Variants in GALNT10 observed in about 807,000 individuals in gnomAD.
GALNT10 encodes polypeptide N-acetylgalactosaminyltransferase 10.
GALNT10 carries 41 observed loss-of-function variants against 75.0 expected under a neutral mutation model. That is an observed-to-expected ratio of 0.55 (90% CI 0.43 to 0.71). GALNT10 has a LOEUF of 0.71. Ranked by LOEUF, GALNT10 falls within the 30% of genes least tolerant of loss-of-function variation. GALNT10 has a pLI of 0.00. For synonymous variants in GALNT10, 302 were observed against 313.0 expected (o/e 0.96, Z 0.37); for missense variants, 727 against 818.5 (o/e 0.89, Z 1.36).
intron 1 of GALNT10, among the ~76,000 whole-genome samples, chr5:154,272,530 A>G (rs1310968505): frequency 3.9e-5 from 6 of 152,178 alleles, no homozygotes; most frequent in African/African-American, 1.4e-4. Context: ...CCACGTGGGC[A>G]GTGTAATGGA....
At chr5:154,218,749 G>A (rs1752922227) in intron 1 of GALNT10, among the ~76,000 whole-genome samples, 2 of 151,350 alleles carry the variant, frequency 1.3e-5, no homozygotes, top group African/African-American at 4.9e-5. Flanking sequence ...TAGATGGGAA[G>A]AAGTTCCTGT....
chr5:154,194,296 T>TG (rs1774902493), intron 1 of GALNT10, among the ~76,000 whole-genome samples: 1 of 147,280 alleles, frequency 6.8e-6, no homozygotes. Context: ...CAGAAATCAA[T>TG]GTTTTTTTCT....
chr5:154,267,470 G>C (rs902353842), intron 1 of GALNT10, among the ~76,000 whole-genome samples: 3 of 152,214 alleles, frequency 2.0e-5, no homozygotes, highest in African/African-American at 7.2e-5. Flanking sequence ...AAAATCACTG[G>C]AGAAGAGGAT....
At position 154,420,939 on chromosome 5, in the gene GALNT10, T is replaced by C. The variant is rs1248277353; in HGVS notation, c.*3967T>C. On this transcript the variant is annotated 3_prime_UTR_variant, in exon 12 of 12. Transcript: ENST00000297107. ...TGAAAGACTGATTTACCATGTACAA[T>C]TGTGATTGTGAACGTTGTTGAGTAA... The C allele has an allele frequency of 1.3e-5, 2 of 152,222 alleles. No homozygotes were observed. The highest frequency in any genetic ancestry group is 4.8e-5 in the African/African-American group (2 of 41,452). The allele number at this position is 152,222 out of a possible 1,614,324, so 9.4% of individuals were successfully genotyped here.
chr5:154,332,687 C>T (rs967310584), intron 4 of GALNT10, among the ~76,000 whole-genome samples: 6 of 152,158 alleles, frequency 3.9e-5, no homozygotes. Context: ...GGCAGCTACC[C>T]ATGCATACAG....
intron 1 of GALNT10, among the ~76,000 whole-genome samples, chr5:154,264,840 T>C (rs1458165354): frequency 6.6e-6 from 1 of 152,180 alleles, no homozygotes; most frequent in East Asian, 1.9e-4. Flanking sequence ...AGACCCCCAC[T>C]TAGCAGTTCT....
intron 1 of GALNT10, among the ~76,000 whole-genome samples, chr5:154,222,555 G>A (rs1039053736): frequency 1.3e-5 from 2 of 152,170 alleles, no homozygotes; most frequent in African/African-American, 4.8e-5. Flanking sequence ...TTTCCAAAGT[G>A]GCTGTATCAT....
intron 1 of GALNT10, among the ~76,000 whole-genome samples, chr5:154,226,458 A>G (rs114902695): frequency 0.026 from 3,983 of 152,270 alleles, 76 homozygotes; most frequent in Middle Eastern, 0.14. Context: ...CTTGCTGGGT[A>G]TATGATTCTA....
chr5:154,410,391 A>AG (rs1561686857), intron 9 of GALNT10, among the ~76,000 whole-genome samples: 1 of 151,882 alleles, frequency 6.6e-6, no homozygotes, highest in African/African-American at 2.4e-5. Context: ...AAAAAAAAAA[A>AG]AAAAGAAAAA....
chr5:154,251,096 A>G (rs570937537), intron 1 of GALNT10, among the ~76,000 whole-genome samples: 140 of 152,292 alleles, frequency 9.2e-4, no homozygotes, highest in African/African-American at 3.2e-3. Context: ...AAAACTGTGA[A>G]CGTAATGAAT....
At chr5:154,229,874 G>A (rs1469535720) in intron 1 of GALNT10, among the ~76,000 whole-genome samples, 2 of 152,174 alleles carry the variant, frequency 1.3e-5, no homozygotes, top group Non-Finnish European at 1.5e-5. Flanking sequence ...TGAATAACAG[G>A]GTTTGTCAGG....
intron 10 of GALNT10, among the ~76,000 whole-genome samples, chr5:154,415,337 G>GTAAC (rs945414280): frequency 6.8e-6 from 1 of 146,030 alleles, no homozygotes; most frequent in African/African-American, 2.5e-5. Flanking sequence ...CCTTGAGTTG[G>GTAAC]TAACTTATTT....
chr5:154,277,412 T>C (rs930005004), intron 1 of GALNT10, among the ~76,000 whole-genome samples: 4 of 152,052 alleles, frequency 2.6e-5, no homozygotes, highest in Non-Finnish European at 4.4e-5. Context: ...CTCATTCTTT[T>C]GGCCAAGGCA....
At chr5:154,274,226 G>T (rs529182578) in intron 1 of GALNT10, among the ~76,000 whole-genome samples, 2 of 152,184 alleles carry the variant, frequency 1.3e-5, no homozygotes, top group African/African-American at 4.8e-5. Flanking sequence ...GGGTTGAAAT[G>T]ATAGACAATG....
chr5:154,378,809 A>C (rs570778402), intron 5 of GALNT10, among the ~76,000 whole-genome samples: 29 of 152,290 alleles, frequency 1.9e-4, no homozygotes, highest in Non-Finnish European at 1.5e-5. Context: ...CCTTGACCTC[A>C]TGCCTCCCAC....
chr5:154,354,105 C>T (rs1158785867), intron 4 of GALNT10, among the ~76,000 whole-genome samples: 2 of 152,178 alleles, frequency 1.3e-5, no homozygotes, highest in East Asian at 1.9e-4. Flanking sequence ...TGGGCTGGGA[C>T]GTGCTATAAG....
chr5:154,326,461 GTTA>G (rs1754758507), intron 3 of GALNT10, among the ~76,000 whole-genome samples: 1 of 152,178 alleles, frequency 6.6e-6, no homozygotes, highest in Non-Finnish European at 1.5e-5. Context: ...TCATATTCAT[GTTA>G]TTCATAATAG....
At chr5:154,217,105 T>G (rs144784492) in intron 1 of GALNT10, among the ~76,000 whole-genome samples, 354 of 152,324 alleles carry the variant, frequency 2.3e-3, no homozygotes, top group African/African-American at 8.2e-3. Context: ...TCGAAAGCCT[T>G]GGATGATAAA....
intron 1 of GALNT10, among the ~76,000 whole-genome samples, chr5:154,234,149 A>C (rs912863002): frequency 1.3e-5 from 2 of 152,156 alleles, no homozygotes; most frequent in Non-Finnish European, 2.9e-5. Context: ...TGTGGTGGGA[A>C]AGTTGAGTTG....
Sources: gnomAD v4.1 joint callset for allele counts (sites outside exome capture counted in the v4.1 genomes callset) on GRCh38, gnomAD v4.1.1 for gene constraint, MANE v1.5 for transcripts, NCBI Gene and HGNC (gene_info 2026-07-23, HGNC 2026-07-21) for gene names.